The following FYB1 variants were observed in gnomAD, a reference collection of about 807,000 sequenced individuals.
The protein encoded by FYB1 is FYN binding protein 1.
In FYB1, 41 loss-of-function variants were observed where a neutral mutation model predicts 94.1. The observed-to-expected ratio is 0.44, with a 90% CI of 0.34 to 0.57. FYB1 has a LOEUF of 0.57. FYB1 is among the 20% of genes least tolerant of loss of function. The pLI, the probability that FYB1 is intolerant of heterozygous loss-of-function variation, is 0.02. For missense variants in FYB1, 1,050 were observed against 976.8 expected (o/e 1.07, Z -1.00); for synonymous variants, 367 against 353.2 (o/e 1.04, Z -0.44).
At chr5:39,186,891 C>T (rs1746870958) in intron 2 of FYB1, among the ~76,000 whole-genome samples, 1 of 151,726 alleles carries the variant, frequency 6.6e-6, no homozygotes, top group Non-Finnish European at 1.5e-5. Flanking sequence ...ACTTATTATC[C>T]CCATTAGCAG....
chr5:39,213,643 G>GA (rs1749610503), intron 1 of FYB1, among the ~76,000 whole-genome samples: 1 of 152,106 alleles, frequency 6.6e-6, no homozygotes, highest in African/African-American at 2.4e-5. Flanking sequence ...CCGTTTGTTT[G>GA]AAAAAACATT....
At chr5:39,232,919 A>G (rs1750810345) in intron 1 of FYB1, among the ~76,000 whole-genome samples, 2 of 152,102 alleles carry the variant, frequency 1.3e-5, no homozygotes, top group South Asian at 2.1e-4. Flanking sequence ...ATGGCTGCAT[A>G]GTATTCCAGG....
intron 1 of FYB1, among the ~76,000 whole-genome samples, chr5:39,244,873 GT>G (rs2150596116): frequency 6.6e-6 from 1 of 152,238 alleles, no homozygotes; most frequent in Admixed American, 6.5e-5. Flanking sequence ...TCTTGGGAGG[GT>G]GTATGTGTCG....
chr5:39,225,615 A>T (rs528127594), intron 1 of FYB1, among the ~76,000 whole-genome samples: 16 of 152,234 alleles, frequency 1.1e-4, no homozygotes, highest in Non-Finnish European at 2.4e-4. Flanking sequence ...ATCTTGTACG[A>T]AATTTTTCTT....
chr5:39,137,425 T>C, intron 7 of FYB1, 175 bp downstream of exon 7: 1 of 583,486 alleles, frequency 1.7e-6, no homozygotes, highest in Non-Finnish European at 2.8e-6. Context: ...ATTATATTAG[T>C]TCAGGGATAA....
chr5:39,265,955 A>C (rs1229214426), intron 1 of FYB1, among the ~76,000 whole-genome samples: 1 of 151,610 alleles, frequency 6.6e-6, no homozygotes, highest in African/African-American at 2.4e-5. Context: ...AACAAACCAG[A>C]AACCCCAAAC....
chr5:39,137,783 A>G, intron 6 of FYB1, 63 bp from the exon 7 acceptor site: 1 of 1,540,766 alleles, frequency 6.5e-7, no homozygotes, highest in African/African-American at 1.4e-5. Context: ...GGAACTCCCT[A>G]CCTAGAAGTT....
chr5:39,108,142 G>T, intron 18 of FYB1, 89 bp downstream of exon 18: 1 of 1,215,394 alleles, frequency 8.2e-7, no homozygotes, highest in African/African-American at 1.5e-5. Context: ...CAGATTGGAA[G>T]TCTCTAATCC....
rs1751553342 is a variant in FYB1 at position 39,247,887 on chromosome 5, T to TG, written c.-28+26515dup. On this transcript the variant is annotated intron_variant, in intron 1 of 1. Coordinates refer to the FYB1 transcript ENST00000510188. Reference sequence around the variant, plus strand: ...TTTCTTGGCTTTGGGCTTACTTTCTTGTTTTTGTTTTGTTTTGTTTTGTTT... The same window carrying TG: ...TTTCTTGGCTTTGGGCTTACTTTCTTGGTTTTTGTTTTGTTTTGTTTTGTTT... Among the ~76,000 whole-genome samples the TG allele has an allele frequency of 2.1e-5, 3 of 143,034 alleles. No individual in the cohort carries two copies. In the South Asian group the frequency reaches 6.8e-4, roughly 32 times the overall value. 93.8% of individuals were successfully genotyped at this position (143,034 alleles called of 152,430 possible).
intron 2 of FYB1, among the ~76,000 whole-genome samples, chr5:39,179,341 C>T (rs960236718): frequency 2.0e-5 from 3 of 151,998 alleles, no homozygotes; most frequent in African/African-American, 2.4e-5. Flanking sequence ...CAGGATGGGT[C>T]TGGGTTCCAG....
At chr5:39,238,986 G>A (rs1236206689) in intron 1 of FYB1, among the ~76,000 whole-genome samples, 1 of 151,766 alleles carries the variant, frequency 6.6e-6, no homozygotes, top group Non-Finnish European at 1.5e-5. Flanking sequence ...TCTAAAGGGG[G>A]CATCACCAAG....
chr5:39,224,309 C>G (rs187872868), upstream of FYB1, among the ~76,000 whole-genome samples: 46 of 152,212 alleles, frequency 3.0e-4, no homozygotes, highest in African/African-American at 1.1e-3. Context: ...TTAGCACAGT[C>G]CTGACGGTTT....
chr5:39,134,227 C>T lies in FYB1; in HGVS notation c.1798G>A (p.Glu600Lys). Residue 600 changes from glutamate to lysine, a missense_variant, in exon 9 of 19, where the codon GAG becomes AAG. Glu to Lys is a moderately conservative substitution (Grantham distance 56, BLOSUM62 1). Coordinates refer to ENST00000512982, the MANE Select transcript of FYB1 (RefSeq NM_001465.6). Reference sequence around the variant, plus strand: ...ACATACCTGCTAATATCATCCTGCTCTGCAACATCATCATATACTTCTTGG... The same window carrying T: ...ACATACCTGCTAATATCATCCTGCTTTGCAACATCATCATATACTTCTTGG... ...DDQEVYDDVA[E>K]QDDISSHSQS... is the part of the protein sequence containing the mutation. The T allele has an allele frequency of 1.2e-6, 2 of 1,611,542 alleles. No homozygotes were observed. Among genetic ancestry groups the T allele is most frequent in the Non-Finnish European group, 1.7e-6 (2 of 1,178,094 alleles).
In FYB1 at chr5:39,119,555, C is replaced by T; in HGVS notation, c.2218G>A (p.Asp740Asn). ...KLKKQEKEEK[D>N]FRKKFKYDGE... ...CATACTTTAAATTTTTTCCTGAAGT[C>T]TTTTTCTTCTTTTTCCTGCTTTTTT... The change falls in exon 15 of 19, where the codon GAC (aspartate) becomes AAC (asparagine). Residue 740 changes from aspartate (D) to asparagine (N), a missense_variant. By Grantham distance (23) the Asp-to-Asn change is conservative. Coordinates refer to ENST00000512982, the MANE Select transcript of FYB1 (RefSeq NM_001465.6). 1 of 1,541,842 alleles carries T rather than the reference C, an allele frequency of 6.5e-7. No homozygotes were observed. The highest frequency in any genetic ancestry group is 8.7e-7 in the Non-Finnish European group (1 of 1,143,012).
intron 1 of FYB1, among the ~76,000 whole-genome samples, chr5:39,265,816 T>C (rs907128533): frequency 3.3e-5 from 5 of 152,196 alleles, no homozygotes; most frequent in Admixed American, 1.3e-4. Context: ...TGCATTCCAA[T>C]GACTAGCAGA....
At chr5:39,244,033 G>T (rs1169863852) in intron 1 of FYB1, among the ~76,000 whole-genome samples, 4 of 152,138 alleles carry the variant, frequency 2.6e-5, no homozygotes, top group Non-Finnish European at 5.9e-5. Flanking sequence ...AGCTTAAGGA[G>T]ATTTTGGGCT....
chr5:39,156,534 G>T (rs545551501), intron 2 of FYB1, among the ~76,000 whole-genome samples: 1 of 151,984 alleles, frequency 6.6e-6, no homozygotes, highest in African/African-American at 2.4e-5. Context: ...ACATAATGAG[G>T]CACTAAACTA....
chr5:39,108,190 C>A (rs1490892030), intron 18 of FYB1, 41 bp downstream of exon 18: 1 of 1,477,682 alleles, frequency 6.8e-7, no homozygotes. Flanking sequence ...ACAGTAAATT[C>A]ACTATGACTG....
At chr5:39,272,414 C>T (rs1420824194) in intron 1 of FYB1, among the ~76,000 whole-genome samples, 1 of 152,012 alleles carries the variant, frequency 6.6e-6, no homozygotes, top group Non-Finnish European at 1.5e-5. Context: ...CCTGTAATCC[C>T]TGCACTTTGG....
Sources: allele counts gnomAD v4.1 joint callset (sites outside exome capture counted in the v4.1 genomes callset), GRCh38; gene constraint gnomAD v4.1.1; transcripts MANE v1.5; gene names NCBI Gene and HGNC (gene_info 2026-07-23, HGNC 2026-07-21).